The following ARAP2 variants were observed in gnomAD, a reference collection of about 807,000 sequenced individuals.
The protein encoded by ARAP2 is ArfGAP with RhoGAP domain, ankyrin repeat and PH domain 2.
Under a neutral mutation model 194.5 loss-of-function variants are expected in ARAP2, and 148 were observed. The observed-to-expected ratio is 0.76, with a 90% CI of 0.67 to 0.87. ARAP2 has a LOEUF of 0.87. Among genes scored for constraint, ARAP2 ranks in the 40% least tolerant of loss-of-function variants. The probability of loss-of-function intolerance (pLI) is 0.00; values close to 1 mark genes in which losing one functional copy is unlikely to be tolerated. For missense variants in ARAP2, 2,128 were observed against 1,989.7 expected, an observed-to-expected ratio of 1.07 and a Z score of -1.32; for synonymous variants, 695 against 683.5, an observed-to-expected ratio of 1.02 and a Z score of -0.26.
rs776434438 is a variant in ARAP2, at chr4:36,124,943, A to T, written c.3665T>A (p.Ile1222Asn). The T allele has an allele frequency of 6.2e-7, 1 of 1,609,990 alleles. No individual in the cohort carries two copies. Among genetic ancestry groups the T allele is most frequent in the Non-Finnish European group, 8.5e-7 (1 of 1,177,478 alleles). ...ACGTATAAATGCTCCATATTTTTTA[A>T]TTCTTTCCTTGTCATCTTGCGTATC... is the stretch of plus-strand genomic sequence containing the variant. ...ALDTQDDKER[I>N]KKYGAFIRSL... The change falls in exon 22 of 33, where the codon ATT becomes AAT. Residue 1222 changes from isoleucine to asparagine, a missense_variant. Physicochemically the swap from Ile to Asn is moderately radical, Grantham distance 149. Transcript: ENST00000303965.
intron 5 of ARAP2, among the ~76,000 whole-genome samples, chr4:36,032,790 C>T (rs1450767479): frequency 2.0e-5 from 3 of 152,028 alleles, no homozygotes; most frequent in Non-Finnish European, 2.9e-5. Flanking sequence ...ACACCTAGTA[C>T]CCAATAGTTA....
Position 36,150,934 on chromosome 4 carries a change from C to T in ARAP2, c.2863G>A (p.Ala955Thr). ...AAATAGAAGTCCTCTTTGTGTATAGCCAGGCAGATAACTTCATTGATATTA... is the reference window on the plus strand; with the variant it reads ...AAATAGAAGTCCTCTTTGTGTATAGTCAGGCAGATAACTTCATTGATATTA... ...TININEVICL[A>T]IHKEDFYLNT... Residue 955 changes from alanine to threonine, a missense_variant, in exon 16 of 33, where the codon GCT (alanine) becomes ACT (threonine). Coordinates refer to ENST00000303965, the MANE Select transcript of ARAP2 (RefSeq NM_015230.4). 6.2e-7 allele frequency: 1 copy of T among 1,612,882 alleles called. No individual in the cohort carries two copies. The highest frequency in any genetic ancestry group is 8.5e-7 in the Non-Finnish European group (1 of 1,179,480).
rs1478929482 is a variant in ARAP2 at position 36,073,806 on chromosome 4, C to T, written c.4626G>A (p.Trp1542Ter). The T allele has an allele frequency of 3.7e-6, 6 of 1,612,870 alleles. No homozygotes were observed. Among genetic ancestry groups the T allele is most frequent in the Non-Finnish European group, 5.1e-6 (6 of 1,179,158 alleles). The change falls in exon 32 of 33, where the codon TGG (tryptophan) becomes TGA (stop). Residue 1542 changes from tryptophan to a stop codon, truncating the protein, a stop_gained. Coordinates refer to ENST00000303965, the MANE Select transcript of ARAP2 (RefSeq NM_015230.4). LOFTEE classifies it high-confidence loss of function. ...IFIAQHEYDI[W>*]PPAGKERKRS... ...GTTTTCGTTCCTTTCCAGCTGGTGG[C>T]CATATATCATATTCATGCTGTGGAA... is the stretch of plus-strand genomic sequence containing the variant.
chr4:36,213,014 A>G (rs577340910), intron 4 of ARAP2, among the ~76,000 whole-genome samples: 13 of 152,064 alleles, frequency 8.5e-5, no homozygotes, highest in African/African-American at 2.9e-4. Flanking sequence ...AATTTTTAAA[A>G]CTCACTATCC....
At chr4:36,222,270 A>G (rs1749334728) in intron 2 of ARAP2, among the ~76,000 whole-genome samples, 1 of 152,116 alleles carries the variant, frequency 6.6e-6, no homozygotes, top group East Asian at 1.9e-4. Context: ...GCAGTGGCCT[A>G]CATAATATAA....
intron 2 of ARAP2, among the ~76,000 whole-genome samples, chr4:36,057,693 T>G (rs1265845958): frequency 6.6e-6 from 1 of 152,116 alleles, no homozygotes; most frequent in Non-Finnish European, 1.5e-5. Flanking sequence ...TTTTATTTGA[T>G]TTTTTAAAAT....
At chr4:36,013,273 C>T (rs562325797) in intron 8 of ARAP2, among the ~76,000 whole-genome samples, 1 of 152,282 alleles carries the variant, frequency 6.6e-6, no homozygotes, top group South Asian at 2.1e-4. Context: ...GCTCTGTGTA[C>T]ATGACTGCCG....
At chr4:36,185,690 TAA>T (rs1286054994) in intron 8 of ARAP2, among the ~76,000 whole-genome samples, 7 of 151,964 alleles carry the variant, frequency 4.6e-5, no homozygotes, top group Non-Finnish European at 1.0e-4. Flanking sequence ...AATAGGATAA[TAA>T]TGGATGGGCG....
At position 36,161,546 on chromosome 4, in the gene ARAP2, C is replaced by T. The variant is rs201125587; in HGVS notation, c.2178G>A (p.Gln726=). 2.5e-6 allele frequency: 4 copies of T among 1,611,652 alleles called. No individual in the cohort carries two copies. The highest frequency in any genetic ancestry group is 2.7e-5 in the African/African-American group (2 of 75,008). ...AATCTTTTGGTCCTAAAGATCTATG[C>T]TGTCCTAGAGTCAAAACACAATTGC... is the stretch of plus-strand genomic sequence containing the variant. The part of the protein sequence containing the change: ...CVVICKKCAG[Q]HRSLGPKDSK... The change falls in exon 12 of 33, where the codon CAG becomes CAA. Residue 726 remains glutamine (Q), a synonymous_variant. Transcript: ENST00000303965.
At chr4:36,065,932 G>T (rs1725343292), downstream of ARAP2, 1 of 152,170 alleles carries the variant, frequency 6.6e-6, no homozygotes, top group African/African-American at 2.4e-5. Flanking sequence ...AAAAAGAAAA[G>T]AAAGCTAATC....
intron 19 of ARAP2, among the ~76,000 whole-genome samples, chr4:36,143,774 C>T (rs1728925863): frequency 6.6e-6 from 1 of 151,828 alleles, no homozygotes; most frequent in Admixed American, 6.6e-5. Flanking sequence ...ATTTCTCCCA[C>T]TCCTATTATT....
intron 6 of ARAP2, chr4:36,016,042 T>C (rs1344921291): frequency 1.3e-5 from 2 of 152,002 alleles, no homozygotes; most frequent in Admixed American, 1.3e-4. Context: ...AAACGAGAAA[T>C]CAATTTAAAG....
intron 6 of ARAP2, among the ~76,000 whole-genome samples, chr4:36,202,856 C>T (rs1468106301): frequency 6.6e-6 from 1 of 152,128 alleles, no homozygotes; most frequent in African/African-American, 2.4e-5. Context: ...AGGACAGTAA[C>T]AATATCTAGA....
rs779205453 is a variant in ARAP2 at position 36,212,457 on chromosome 4, G to T, written c.1072C>A (p.Gln358Lys). 5.0e-6 allele frequency: 8 copies of T among 1,611,770 alleles called. No homozygotes were observed. In the African/African-American group the frequency reaches 9.4e-5, roughly 19 times the overall value. ...GCTTCCCCTTTGAGTGCTTCTCCCT[G>T]GGTCAAAAATTCATTCTTTATAGAT... is the stretch of plus-strand genomic sequence containing the variant. ...KRSIKNEFLT[Q>K]GEALKGEAAT... Residue 358 changes from glutamine to lysine, a missense_variant, in exon 5 of 33, where the codon CAG (glutamine) becomes AAG (lysine). By Grantham distance (53) the Gln-to-Lys change is moderately conservative. Transcript: ENST00000303965.
intron 23 of ARAP2, among the ~76,000 whole-genome samples, chr4:36,120,562 C>G (rs1039499747): frequency 6.6e-6 from 1 of 151,592 alleles, no homozygotes; most frequent in Non-Finnish European, 1.5e-5. Context: ...TATAATAGAA[C>G]TGGACCTTTT....
At position 36,083,352 on chromosome 4, in the gene ARAP2, C is replaced by T. The variant is rs768205560; in HGVS notation, c.4508+16G>A. The T allele has an allele frequency of 5.7e-6, 9 of 1,575,784 alleles. No homozygotes were observed. Among genetic ancestry groups the T allele is most frequent in the Non-Finnish European group, 7.8e-6 (9 of 1,153,784 alleles). ...CCATAAGTTTTTCCTTTCAGCACTT[C>T]CCTTTCAAACTTTACCTTGTTGGAG... On this transcript the variant is annotated intron_variant, in intron 29 of 32. Transcript: ENST00000303965.
At chr4:36,142,542 C>T (rs1728588468) in intron 19 of ARAP2, among the ~76,000 whole-genome samples, 1 of 151,462 alleles carries the variant, frequency 6.6e-6, no homozygotes, top group Admixed American at 6.6e-5. Context: ...CCCAAGTCAC[C>T]AGAGGGACTC....
chr4:36,178,220 C>T (rs1395662016), intron 8 of ARAP2, among the ~76,000 whole-genome samples: 2 of 152,136 alleles, frequency 1.3e-5, no homozygotes, highest in Non-Finnish European at 2.9e-5. Flanking sequence ...GTTCCACTGG[C>T]TTTACCTGAG....
At chr4:36,100,056 T>C (rs372803236) in intron 27 of ARAP2, among the ~76,000 whole-genome samples, 3 of 152,088 alleles carry the variant, frequency 2.0e-5, no homozygotes, top group East Asian at 3.9e-4. Flanking sequence ...GGACAGAATA[T>C]ATAAGCTGGA....
Sources: gnomAD v4.1 joint callset for allele counts (sites outside exome capture counted in the v4.1 genomes callset) on GRCh38, gnomAD v4.1.1 for gene constraint, MANE v1.5 for transcripts, NCBI Gene and HGNC (gene_info 2026-07-23, HGNC 2026-07-21) for gene names.